LEMD1: variants seen among roughly 807,000 people sequenced by gnomAD.
The protein encoded by LEMD1 is LEM domain-containing protein 1.
In LEMD1, 18 loss-of-function variants were observed where a neutral mutation model predicts 17.4. That is an observed-to-expected ratio of 1.04 (90% confidence interval 0.72 to 1.54). LEMD1 has a LOEUF of 1.54. Ranked by LOEUF, LEMD1 falls within the 40% of genes most tolerant of loss-of-function variation. The pLI, the probability that LEMD1 is intolerant of heterozygous loss-of-function variation, is 0.00. For synonymous variants in LEMD1, 88 were observed against 77.8 expected (o/e 1.13, Z -0.69); for missense variants, 195 against 210.4 (o/e 0.93, Z 0.45).
At chr1:205,406,048 G>C (rs1445107288) in intron 4 of LEMD1, among the ~76,000 whole-genome samples, 1 of 152,220 alleles carries the variant, frequency 6.6e-6, no homozygotes, top group Non-Finnish European at 1.5e-5. Context: ...GCTGCTGTCT[G>C]ATCGTTCCTC....
upstream of LEMD1, among the ~76,000 whole-genome samples, chr1:205,423,385 C>A (rs1468079454): frequency 6.6e-6 from 1 of 152,286 alleles, no homozygotes; most frequent in Admixed American, 6.5e-5. Flanking sequence ...TATTAGGAGG[C>A]ACAAGCATTT....
chr1:205,388,001 G>A (rs1487587863), intron 4 of LEMD1, among the ~76,000 whole-genome samples: 1 of 152,156 alleles, frequency 6.6e-6, no homozygotes, highest in African/African-American at 2.4e-5. Context: ...TTACAGATGA[G>A]AACCCTGAGG....
intron 1 of LEMD1, among the ~76,000 whole-genome samples, chr1:205,432,278 G>A (rs1482685836): frequency 6.6e-6 from 1 of 152,152 alleles, no homozygotes; most frequent in African/African-American, 2.4e-5. Context: ...AGATAGGGAA[G>A]TTCAGAGAGC....
chr1:205,389,047 T>A, intron 4 of LEMD1, among the ~76,000 whole-genome samples: 1 of 76,910 alleles, frequency 1.3e-5, no homozygotes, highest in Non-Finnish European at 2.7e-5. Context: ...CTTTTTTTTT[T>A]TTTTTTTTTT....
intron 1 of LEMD1, among the ~76,000 whole-genome samples, chr1:205,446,940 C>A (rs996742433): frequency 6.6e-6 from 1 of 152,222 alleles, no homozygotes; most frequent in Non-Finnish European, 1.5e-5. Flanking sequence ...CCCGCTCCCC[C>A]CGACCTCCTG....
intron 1 of LEMD1, among the ~76,000 whole-genome samples, chr1:205,427,705 T>C (rs1051060483): frequency 2.0e-5 from 3 of 152,072 alleles, no homozygotes; most frequent in Admixed American, 6.5e-5. Flanking sequence ...CCAGCAGGGA[T>C]CTGAAGACAG....
chr1:205,402,592 AT>A (rs1413300243), intron 4 of LEMD1, among the ~76,000 whole-genome samples: 1 of 152,062 alleles, frequency 6.6e-6, no homozygotes, highest in Non-Finnish European at 1.5e-5. Flanking sequence ...GCTTAAGGAG[AT>A]TTTTGGGCTG....
chr1:205,399,009 G>A (rs1358885070), intron 4 of LEMD1, among the ~76,000 whole-genome samples: 1 of 152,186 alleles, frequency 6.6e-6, no homozygotes, highest in Non-Finnish European at 1.5e-5. Context: ...GAGGTCAGGA[G>A]TTCAAGACCA....
At chr1:205,395,517 C>G (rs765756720) in intron 4 of LEMD1, among the ~76,000 whole-genome samples, 1 of 151,320 alleles carries the variant, frequency 6.6e-6, no homozygotes, top group Non-Finnish European at 1.5e-5. Flanking sequence ...TTGCTTGAAC[C>G]TGGGAGATGG....
chr1:205,406,318 A>G (rs1665100592), intron 4 of LEMD1, among the ~76,000 whole-genome samples: 1 of 152,226 alleles, frequency 6.6e-6, no homozygotes, highest in South Asian at 2.1e-4. Flanking sequence ...GGTGGAGCCT[A>G]CAGAGGCAGG....
At chr1:205,411,732 G>T (rs1665463777) in intron 4 of LEMD1, among the ~76,000 whole-genome samples, 1 of 152,078 alleles carries the variant, frequency 6.6e-6, no homozygotes, top group Admixed American at 6.6e-5. Context: ...AGAAAGAAAA[G>T]AAAAGAAAGA....
Position 205,420,454 on chromosome 1 carries a change from C to CGTATGTAT in LEMD1, c.82_82+1insATACATAC (p.Pro28HisfsTer14), listed in dbSNP as rs1558736184. The CGTATGTAT allele has an allele frequency of 6.2e-7, 1 of 1,610,114 alleles. No homozygotes were observed. The highest frequency in any genetic ancestry group is 8.5e-7 in the Non-Finnish European group (1 of 1,176,566). On this transcript the variant is annotated frameshift_variant and splice_region_variant. Transcript: ENST00000367153. LOFTEE classifies it high-confidence loss of function. Reference sequence around the variant, plus strand: ...TAATATTTGCTGCATACTGTACATACGTAGTATTGGGCCAGGTGAAAATCC... The same window carrying CGTATGTAT: ...TAATATTTGCTGCATACTGTACATACGTATGTATGTAGTATTGGGCCAGGTGAAAATCC...
intron 4 of LEMD1, among the ~76,000 whole-genome samples, chr1:205,388,181 C>T (rs558841570): frequency 6.1e-4 from 92 of 151,620 alleles, no homozygotes; most frequent in Non-Finnish European, 7.9e-4. Context: ...TAACATACTT[C>T]AATTCACTTA....
chr1:205,389,037 CTTTTTTTTTTTTT>C (rs61341380), intron 4 of LEMD1, among the ~76,000 whole-genome samples: 3 of 77,848 alleles, frequency 3.9e-5, no homozygotes, highest in East Asian at 5.4e-4. Flanking sequence ...CATTTGCTTT[CTTTTTTTTTTTTT>C]TTTTTTTTTT....
At chr1:205,420,427 T>G (rs753520191) in intron 2 of LEMD1, 28 bp downstream of exon 2, 19 of 1,536,946 alleles carry the variant, frequency 1.2e-5, no homozygotes, top group Non-Finnish European at 1.6e-5. Flanking sequence ...ATGACAAGTC[T>G]GTAATATTTG....
intron 4 of LEMD1, among the ~76,000 whole-genome samples, chr1:205,400,220 C>A (rs1664777821): frequency 1.3e-5 from 2 of 152,134 alleles, no homozygotes; most frequent in Non-Finnish European, 2.9e-5. Context: ...TGCCACCATG[C>A]CCAGCTAATT....
intron 1 of LEMD1, among the ~76,000 whole-genome samples, chr1:205,449,417 C>T (rs890409364): frequency 6.6e-6 from 1 of 152,058 alleles, no homozygotes; most frequent in African/African-American, 2.4e-5. Flanking sequence ...GTAAGAGGCC[C>T]CAGGCCCAGA....
intron 1 of LEMD1, among the ~76,000 whole-genome samples, chr1:205,433,173 A>T (rs1324701861): frequency 2.6e-5 from 4 of 151,960 alleles, no homozygotes; most frequent in Non-Finnish European, 5.9e-5. Context: ...CTAAATTATT[A>T]TTAAATTGGC....
At chr1:205,427,873 C>T (rs1196307654) in intron 1 of LEMD1, among the ~76,000 whole-genome samples, 2 of 152,198 alleles carry the variant, frequency 1.3e-5, no homozygotes, top group African/African-American at 4.8e-5. Context: ...AGCAGCCATA[C>T]AGAAAAACTC....
Sources: allele counts gnomAD v4.1 joint callset (sites outside exome capture counted in the v4.1 genomes callset), GRCh38; gene constraint gnomAD v4.1.1; transcripts MANE v1.5; gene names NCBI Gene and HGNC (gene_info 2026-07-23, HGNC 2026-07-21).